GK5: variants seen among roughly 807,000 people sequenced by gnomAD.
GK5 encodes the protein glycerol kinase 5.
In GK5, 39 loss-of-function variants were observed where a neutral mutation model predicts 77.3. The observed-to-expected ratio is 0.50, with a 90% CI of 0.39 to 0.66. The LOEUF (loss-of-function observed/expected upper bound fraction) is 0.66. Among genes scored for constraint, GK5 ranks in the 30% least tolerant of loss-of-function variants. GK5 has a pLI of 0.00. For synonymous variants in GK5, 211 were observed against 208.0 expected, an observed-to-expected ratio of 1.01 and a Z score of -0.13; for missense variants, 487 against 633.8, an observed-to-expected ratio of 0.77 and a Z score of 2.49.
rs1407966047 is a variant in GK5, at chr3:142,182,943, C to CTAT, written c.920_922dup (p.Asn307dup). The stretch of plus-strand genomic sequence containing the variant: ...CTTACCTCCAGTAGTCTGTTGAAGG[C>CTAT]TATTTCCAGTGTTAATATCCAAAAA... On this transcript the variant is annotated inframe_insertion, in exon 10 of 16. Transcript: ENST00000392993. 6.2e-7 allele frequency: 1 copy of CTAT among 1,610,224 alleles called. No homozygotes were observed.
chr3:142,225,483 G>A lies in GK5; in HGVS notation c.-28C>T, dbSNP rs370528058. 99 of 1,595,610 alleles carry A rather than the reference G, an allele frequency of 6.2e-5. No homozygotes were observed. The highest frequency in any genetic ancestry group is 8.2e-5 in the Non-Finnish European group (97 of 1,176,786). On this transcript the variant is annotated 5_prime_UTR_variant, in exon 1 of 16. Transcript: ENST00000392993. The stretch of plus-strand genomic sequence containing the variant: ...CGATCCCGCACGCCTCTCCGCTACA[G>A]CCGCCTACCCAGAGGGCGCGCTACA...
chr3:142,199,383 A>G (rs2063984846), intron 4 of GK5, among the ~76,000 whole-genome samples: 1 of 152,160 alleles, frequency 6.6e-6, no homozygotes, highest in African/African-American at 2.4e-5. Flanking sequence ...TACTATTCCA[A>G]TAGTAATAAC....
intron 1 of GK5, among the ~76,000 whole-genome samples, chr3:142,216,951 C>A (rs1383944237): frequency 6.6e-6 from 1 of 152,010 alleles, no homozygotes; most frequent in African/African-American, 2.4e-5. Flanking sequence ...TAAATACCTG[C>A]TAAAAGAAAA....
chr3:142,197,745 C>A (rs1187190074), intron 5 of GK5, among the ~76,000 whole-genome samples: 1 of 152,152 alleles, frequency 6.6e-6, no homozygotes, highest in Non-Finnish European at 1.5e-5. Flanking sequence ...AGATACATGG[C>A]TGGGCATGGT....
chr3:142,207,072 C>T (rs1577142711), intron 3 of GK5, among the ~76,000 whole-genome samples: 1 of 152,188 alleles, frequency 6.6e-6, no homozygotes, highest in Admixed American at 6.5e-5. Flanking sequence ...AATGAGCCAA[C>T]AGCGGGTGAT....
chr3:142,184,260 CAAAAAAAAAAAA>C (rs1161704184), intron 9 of GK5, among the ~76,000 whole-genome samples: 2 of 10,684 alleles, frequency 1.9e-4, no homozygotes, highest in Non-Finnish European at 3.5e-4. Context: ...GACTCTGTCT[CAAAAAAAAAAAA>C]AAAAAAAAAA....
chr3:142,157,964 T>TC lies in GK5; in HGVS notation c.*7657_*7658insG, dbSNP rs1018229900. 1 of 151,774 alleles carries TC rather than the reference T, an allele frequency of 6.6e-6. No homozygotes were observed. Among genetic ancestry groups the TC allele is most frequent in the African/African-American group, 2.4e-5 (1 of 41,270 alleles). 9.4% of individuals were successfully genotyped at this position (151,774 alleles called of 1,614,324 possible). A position where few individuals can be genotyped will look rare whatever the true frequency, so the allele number is the denominator to read the frequency against. ...GTTGTTGTTGTTGTTTTTGTTTTTT[T>TC]TTTTTGAGATGGAGTCTCACTCTGT... is the stretch of plus-strand genomic sequence containing the variant. On this transcript the variant is annotated 3_prime_UTR_variant, in exon 16 of 16. Coordinates refer to ENST00000392993, the MANE Select transcript of GK5 (RefSeq NM_001039547.3).
At chr3:142,185,023 C>G in intron 9 of GK5, 1 of 985,458 alleles carries the variant, frequency 1.0e-6, no homozygotes, top group Non-Finnish European at 1.2e-6. Flanking sequence ...GCTGCTCCCC[C>G]AGCTACTGTG....
Position 142,159,853 on chromosome 3 carries a change from C to CTCTTTTTTTTTTTTTTTTTTT in GK5, c.*5768_*5769insAAAAAAAAAAAAAAAAAAAGA, listed in dbSNP as rs1553825247. The CTCTTTTTTTTTTTTTTTTTTT allele has an allele frequency of 1.1e-3, 117 of 106,080 alleles. 1 individual carries two copies. The highest frequency in any genetic ancestry group is 4.3e-3 in the African/African-American group (105 of 24,260). 6.6% of individuals were successfully genotyped at this position (106,080 alleles called of 1,614,324 possible). A position where few individuals can be genotyped will look rare whatever the true frequency, so the allele number is the denominator to read the frequency against. ...TTTCTCTCTCTCTCTCTCTCTCTCT[C>CTCTTTTTTTTTTTTTTTTTTT]TTTTTTTTTTTTGAGACAGAGTCTC... On this transcript the variant is annotated 3_prime_UTR_variant, in exon 16 of 16. Coordinates refer to ENST00000392993, the MANE Select transcript of GK5 (RefSeq NM_001039547.3).
At chr3:142,182,196 T>TA (rs953849337) in intron 10 of GK5, among the ~76,000 whole-genome samples, 45 of 152,300 alleles carry the variant, frequency 3.0e-4, no homozygotes, top group African/African-American at 1.1e-3. Context: ...TCTTGGTCTG[T>TA]AAATCCCAGG....
intron 5 of GK5, among the ~76,000 whole-genome samples, chr3:142,191,178 G>A (rs2063844588): frequency 6.6e-6 from 1 of 151,998 alleles, no homozygotes; most frequent in South Asian, 2.1e-4. Flanking sequence ...AAGTAGCTGG[G>A]ACTACAGGTG....
At chr3:142,188,976 C>G (rs766055909) in intron 5 of GK5, among the ~76,000 whole-genome samples, 6 of 152,182 alleles carry the variant, frequency 3.9e-5, no homozygotes, top group Non-Finnish European at 5.9e-5. Context: ...AAGTTTATCA[C>G]CTCTATAACT....
intron 4 of GK5, 116 bp downstream of exon 4, chr3:142,204,579 G>T: frequency 1.3e-6 from 1 of 751,792 alleles, no homozygotes; most frequent in Non-Finnish European, 2.5e-6. Context: ...AATGGGGAGT[G>T]TGTGCGTATG....
intron 3 of GK5, 24 bp downstream of exon 3, chr3:142,213,502 G>C (rs1373108560): frequency 1.5e-6 from 2 of 1,375,890 alleles, no homozygotes; most frequent in Admixed American, 1.7e-5. Context: ...CAGCAGTAGG[G>C]TGCTTATCAC....
At chr3:142,203,282 G>A (rs771371022) in intron 4 of GK5, among the ~76,000 whole-genome samples, 1 of 152,002 alleles carries the variant, frequency 6.6e-6, no homozygotes, top group Non-Finnish European at 1.5e-5. Context: ...AATCAATTCA[G>A]GTGAGATTAT....
In GK5 at chr3:142,203,568, A is replaced by C. The variant is rs192268940; in HGVS notation, c.411+1127T>G. 4.5e-3 allele frequency among the ~76,000 whole-genome samples: 688 copies of C among 152,248 alleles called. 8 individuals carry two copies. The highest frequency in any genetic ancestry group is 0.016 in the African/African-American group (647 of 41,542). ...GGCAGGCGGATCATCAGGTCAGGAG[A>C]TCGAGACCATCCTGACTAACACGGT... On this transcript the variant is annotated intron_variant, in intron 4 of 15. Coordinates refer to ENST00000392993, the MANE Select transcript of GK5 (RefSeq NM_001039547.3).
In GK5 at chr3:142,198,783, A is replaced by G. The variant is rs372392881; in HGVS notation, c.543+19T>C. On this transcript the variant is annotated intron_variant, in intron 5 of 15. Coordinates refer to ENST00000392993, the MANE Select transcript of GK5 (RefSeq NM_001039547.3). ...CCACATACACACATATTTTCCACAT[A>G]CACACAGTATTTTCTTACCTCAGTC... 3.1e-5 allele frequency: 49 copies of G among 1,598,784 alleles called. No homozygotes were observed. In the African/African-American group the frequency reaches 6.2e-4, roughly 20 times the overall value.
intron 6 of GK5, among the ~76,000 whole-genome samples, chr3:142,187,159 T>C (rs1404566109): frequency 2.6e-5 from 4 of 152,188 alleles, no homozygotes; most frequent in Non-Finnish European, 2.9e-5. Flanking sequence ...ATTAAGACTG[T>C]TCCCCAGTCT....
At chr3:142,195,014 T>C (rs2063912941) in intron 5 of GK5, among the ~76,000 whole-genome samples, 1 of 151,988 alleles carries the variant, frequency 6.6e-6, no homozygotes, top group African/African-American at 2.4e-5. Context: ...TGTGGGTTTT[T>C]CAAAGATCAG....
Sources: allele counts gnomAD v4.1 joint callset (sites outside exome capture counted in the v4.1 genomes callset), GRCh38; gene constraint gnomAD v4.1.1; transcripts MANE v1.5; gene names NCBI Gene and HGNC (gene_info 2026-07-23, HGNC 2026-07-21).